Variants in ENPP3 observed in about 807,000 individuals in gnomAD.
The protein encoded by ENPP3 is ectonucleotide pyrophosphatase/phosphodiesterase family member 3.
ENPP3 carries 104 observed loss-of-function variants against 117.8 expected under a neutral mutation model. The observed-to-expected ratio is 0.88, with a 90% CI of 0.75 to 1.04. ENPP3 has a LOEUF of 1.04. ENPP3 is among the 50% of genes least tolerant of loss of function. ENPP3 has a pLI of 0.00. For missense variants in ENPP3, 1,026 were observed against 1,051.9 expected (o/e 0.98, Z 0.34); for synonymous variants, 380 against 349.9 (o/e 1.09, Z -0.96).
intron 1 of ENPP3, among the ~76,000 whole-genome samples, chr6:131,641,114 T>TA (rs953170890): frequency 5.6e-4 from 85 of 152,142 alleles, no homozygotes; most frequent in African/African-American, 1.8e-3. Flanking sequence ...GTGCCTGGTT[T>TA]AAAAAAAATG....
chr6:131,695,580 A>G (rs1319960141), intron 15 of ENPP3, among the ~76,000 whole-genome samples: 1 of 152,156 alleles, frequency 6.6e-6, no homozygotes, highest in Non-Finnish European at 1.5e-5. Flanking sequence ...AACTTACATC[A>G]AAGGAAATTT....
Position 131,724,028 on chromosome 6 carries a change from A to G in ENPP3, c.1747-12A>G, listed in dbSNP as rs763579435. The G allele has an allele frequency of 2.5e-6, 4 of 1,604,590 alleles. No homozygotes were observed. In the South Asian group the frequency reaches 4.4e-5, roughly 18 times the overall value. ...TATTTCCTCCCCTTTCCCATCCCTC[A>G]TTATCTTGCAGAGTACTCAGCTGGA... On this transcript the variant is annotated splice_polypyrimidine_tract_variant and intron_variant, in intron 18 of 24. Coordinates refer to ENST00000357639, the MANE Select transcript of ENPP3 (RefSeq NM_005021.5).
chr6:131,681,773 A>T lies in ENPP3; in HGVS notation c.1012-1281A>T, dbSNP rs564184153. Among the ~76,000 whole-genome samples, 4 of 152,312 alleles carry T rather than the reference A, an allele frequency of 2.6e-5. No individual in the cohort carries two copies. The South Asian group carries it at 8.3e-4, about 32-fold the overall frequency. The stretch of plus-strand genomic sequence containing the variant: ...CAAAACAAAATCAGGATTATGCAAT[A>T]TGTATACAGTTTGGTTTTCATTTTT... On this transcript the variant is annotated intron_variant, in intron 11 of 24. Transcript: ENST00000357639.
chr6:131,653,984 A>T (rs989631164), intron 5 of ENPP3, among the ~76,000 whole-genome samples: 1 of 151,958 alleles, frequency 6.6e-6, no homozygotes, highest in African/African-American at 2.4e-5. Flanking sequence ...CCATTTCTCC[A>T]TCCACCCCTC....
At chr6:131,685,960 A>T in intron 14 of ENPP3, 53 bp downstream of exon 14, 1 of 579,362 alleles carries the variant, frequency 1.7e-6, no homozygotes, top group East Asian at 3.1e-5. Context: ...AATGACCTTA[A>T]TCTGGGTTTT....
chr6:131,732,657 A>G (rs1470155770), intron 20 of ENPP3, among the ~76,000 whole-genome samples: 1 of 151,214 alleles, frequency 6.6e-6, no homozygotes, highest in Non-Finnish European at 1.5e-5. Context: ...CACCCGCCTC[A>G]ACCTTCTAAA....
At chr6:131,664,330 A>G (rs1057185441) in intron 6 of ENPP3, among the ~76,000 whole-genome samples, 15 of 152,192 alleles carry the variant, frequency 9.9e-5, no homozygotes, top group African/African-American at 3.6e-4. Context: ...AAAATTAAAA[A>G]ACAAAAGCTT....
chr6:131,674,153 T>C lies in ENPP3; in HGVS notation c.643-9T>C. The C allele has an allele frequency of 6.7e-7, 1 of 1,485,696 alleles. No homozygotes were observed. Among genetic ancestry groups the C allele is most frequent in the Non-Finnish European group, 9.3e-7 (1 of 1,075,438 alleles). The allele number at this position is 1,485,696 out of a possible 1,614,324, so 92.0% of individuals were successfully genotyped here. Reference sequence around the variant, plus strand: ...TTATCTTACATCTTTTTTGAAATTATCATTTTAGGGCTTGTATCCAGAGTC... The same window carrying C: ...TTATCTTACATCTTTTTTGAAATTACCATTTTAGGGCTTGTATCCAGAGTC... On this transcript the variant is annotated splice_polypyrimidine_tract_variant and intron_variant, in intron 7 of 24. Coordinates refer to ENST00000357639, the MANE Select transcript of ENPP3 (RefSeq NM_005021.5).
At chr6:131,731,114 T>A (rs1268985552) in intron 20 of ENPP3, among the ~76,000 whole-genome samples, 1 of 152,206 alleles carries the variant, frequency 6.6e-6, no homozygotes, top group Non-Finnish European at 1.5e-5. Flanking sequence ...TTTTCTCTTT[T>A]TAAACATTGC....
At chr6:131,721,615 G>A (rs1401698175) in intron 17 of ENPP3, among the ~76,000 whole-genome samples, 1 of 149,018 alleles carries the variant, frequency 6.7e-6, no homozygotes, top group Non-Finnish European at 1.5e-5. Context: ...TTTGTATTAT[G>A]TATTTTCATA....
chr6:131,658,849 A>C (rs752380311), intron 6 of ENPP3, among the ~76,000 whole-genome samples: 1 of 152,140 alleles, frequency 6.6e-6, no homozygotes, highest in Admixed American at 6.5e-5. Context: ...TCCAGGATCT[A>C]TTTCCAGTTC....
At chr6:131,723,844 C>T (rs1780090170) in intron 18 of ENPP3, among the ~76,000 whole-genome samples, 196 bp from the exon 19 acceptor site, 1 of 151,870 alleles carries the variant, frequency 6.6e-6, no homozygotes, top group Non-Finnish European at 1.5e-5. Flanking sequence ...CACACACACA[C>T]ACACACACAC....
chr6:131,653,327 T>C (rs113830961), intron 5 of ENPP3, among the ~76,000 whole-genome samples: 3 of 141,100 alleles, frequency 2.1e-5, no homozygotes, highest in African/African-American at 7.4e-5. Context: ...TTTTTTTTTT[T>C]TGTACAGATG....
rs536537496 is a variant in ENPP3 at position 131,660,198 on chromosome 6, G to A, written c.562+1778G>A. 1.1e-3 allele frequency among the ~76,000 whole-genome samples: 172 copies of A among 152,230 alleles called. 1 individual carries two copies. Among genetic ancestry groups the A allele is most frequent in the Middle Eastern group, 3.4e-3 (1 of 294 alleles). ...GTTTTGAGGGAAAATTGAAAAAGGA[G>A]AGATGTGGTTAAATAGGATTAGGAT... On this transcript the variant is annotated intron_variant, in intron 6 of 24. Coordinates refer to ENST00000357639, the MANE Select transcript of ENPP3 (RefSeq NM_005021.5).
In ENPP3 at chr6:131,727,440, C is replaced by T. The variant is rs540112581; in HGVS notation, c.1953+1240C>T. Among the ~76,000 whole-genome samples, 100 of 151,128 alleles carry T rather than the reference C, an allele frequency of 6.6e-4. 1 individual carries two copies. In the South Asian group the frequency reaches 0.018, roughly 27 times the overall value. On this transcript the variant is annotated intron_variant, in intron 20 of 24. Coordinates refer to ENST00000357639, the MANE Select transcript of ENPP3 (RefSeq NM_005021.5). ...CGGGGTGGCATATGCCTGCAATCCC[C>T]GCTACTTGGGAGGCTGAGGCAGGAG...
At chr6:131,744,579 G>A (rs977122023) in intron 24 of ENPP3, among the ~76,000 whole-genome samples, 2 of 152,302 alleles carry the variant, frequency 1.3e-5, no homozygotes, top group African/African-American at 4.8e-5. Flanking sequence ...GAAGCCTGGG[G>A]TAGCTAACTA....
chr6:131,690,527 T>C (rs1401094395), intron 14 of ENPP3, among the ~76,000 whole-genome samples: 1 of 152,250 alleles, frequency 6.6e-6, no homozygotes, highest in Non-Finnish European at 1.5e-5. Context: ...GATTACAGTA[T>C]AGTGTAAACA....
In ENPP3 at chr6:131,641,492, T is replaced by G. The variant is rs41286144; in HGVS notation, c.116T>G (p.Leu39Ter). ...LALLVIMSLGLGLGLGLRKLE... is the reference protein window; with the variant it reads ...LALLVIMSLG ...TTGCTGGTGATCATGTCACTTGGAT[T>G]AGGCCTGGGGCTTGGACTCAGGAAA... The change falls in exon 2 of 25, where the codon TTA becomes TGA. Residue 39 changes from leucine (L) to a stop codon, truncating the protein, a stop_gained. Coordinates refer to ENST00000357639, the MANE Select transcript of ENPP3 (RefSeq NM_005021.5). LOFTEE classifies it high-confidence loss of function. 541 of 1,612,600 alleles carry G rather than the reference T, an allele frequency of 3.4e-4. No individual in the cohort carries two copies. Among genetic ancestry groups the G allele is most frequent in the Admixed American group, 9.2e-4 (55 of 60,000 alleles).
rs908915148 is a variant in ENPP3 at position 131,649,898 on chromosome 6, C to T, written c.155-129C>T. The T allele has an allele frequency of 3.8e-5, 36 of 955,894 alleles. No individual in the cohort carries two copies. The East Asian group carries it at 8.3e-4, about 22-fold the overall frequency. 59.2% of individuals were successfully genotyped at this position (955,894 alleles called of 1,614,324 possible). On this transcript the variant is annotated intron_variant, in intron 2 of 24. Coordinates refer to ENST00000357639, the MANE Select transcript of ENPP3 (RefSeq NM_005021.5). Reference sequence around the variant, plus strand: ...TATTACATTGTATTGGCAGATCCTGCAGCACCATAAAAATCATCTAGTTGT... The same window carrying T: ...TATTACATTGTATTGGCAGATCCTGTAGCACCATAAAAATCATCTAGTTGT...
Sources: gnomAD v4.1 joint callset for allele counts (sites outside exome capture counted in the v4.1 genomes callset) on GRCh38, gnomAD v4.1.1 for gene constraint, MANE v1.5 for transcripts, NCBI Gene and HGNC (gene_info 2026-07-23, HGNC 2026-07-21) for gene names.